The following SNTG1 variants were observed in gnomAD, a reference collection of about 807,000 sequenced individuals.
The protein encoded by SNTG1 is gamma-1-syntrophin.
In SNTG1, 39 loss-of-function variants were observed where a neutral mutation model predicts 74.7. The observed-to-expected ratio is 0.52, with a 90% CI of 0.40 to 0.68. The LOEUF is 0.68. Among genes scored for constraint, SNTG1 ranks in the 30% least tolerant of loss-of-function variants. SNTG1 has a pLI of 0.00. For missense variants in SNTG1, 685 were observed against 609.5 expected, an observed-to-expected ratio of 1.12 and a Z score of -1.30; for synonymous variants, 254 against 217.1, an observed-to-expected ratio of 1.17 and a Z score of -1.49.
At chr8:50,282,240 A>G (rs1384864196) in intron 2 of SNTG1, among the ~76,000 whole-genome samples, 1 of 152,100 alleles carries the variant, frequency 6.6e-6, no homozygotes, top group Non-Finnish European at 1.5e-5. Flanking sequence ...TCTCCCTCAC[A>G]CAGAAAATTT....
intron 15 of SNTG1, among the ~76,000 whole-genome samples, chr8:50,692,578 C>T (rs566385641): frequency 2.0e-5 from 3 of 152,244 alleles, no homozygotes; most frequent in East Asian, 1.9e-4. Flanking sequence ...ATTAGTGAAC[C>T]GCAAATGCTG....
chr8:50,105,767 T>C (rs991296413), intron 1 of SNTG1, among the ~76,000 whole-genome samples: 1 of 152,098 alleles, frequency 6.6e-6, no homozygotes, highest in African/African-American at 2.4e-5. Context: ...GCTGTATTCC[T>C]AGGTATTTTA....
At chr8:49,999,421 A>G (rs529443312) in intron 1 of SNTG1, among the ~76,000 whole-genome samples, 1 of 151,334 alleles carries the variant, frequency 6.6e-6, no homozygotes, top group South Asian at 2.1e-4. Flanking sequence ...GTCATTATTC[A>G]CTCTCCTCCA....
chr8:50,369,988 G>C (rs1371190461), intron 2 of SNTG1, among the ~76,000 whole-genome samples: 2 of 152,014 alleles, frequency 1.3e-5, no homozygotes, highest in Non-Finnish European at 2.9e-5. Context: ...GGTGTGATCT[G>C]GCCATAGAGA....
chr8:50,592,218 T>C (rs77107111), intron 13 of SNTG1, among the ~76,000 whole-genome samples: 554 of 152,318 alleles, frequency 3.6e-3, no homozygotes, highest in African/African-American at 0.013. Flanking sequence ...AAGATTATAA[T>C]GTCCATCAGT....
intron 1 of SNTG1, among the ~76,000 whole-genome samples, chr8:50,144,063 A>C (rs911060455): frequency 6.6e-6 from 1 of 152,186 alleles, no homozygotes; most frequent in East Asian, 1.9e-4. Flanking sequence ...ACTGACACAC[A>C]GATGCAGTCA....
At chr8:50,287,783 T>C (rs1226209628) in intron 2 of SNTG1, among the ~76,000 whole-genome samples, 2 of 152,176 alleles carry the variant, frequency 1.3e-5, no homozygotes, top group Non-Finnish European at 2.9e-5. Context: ...ATAACTCATC[T>C]ATCTCCTCAT....
intron 2 of SNTG1, among the ~76,000 whole-genome samples, chr8:50,371,399 C>A (rs2092265470): frequency 6.6e-6 from 1 of 152,212 alleles, no homozygotes; most frequent in Admixed American, 6.5e-5. Flanking sequence ...CCCATTCCAG[C>A]TACCATGGCT....
chr8:50,464,952 G>GAA (rs71233500), intron 8 of SNTG1, among the ~76,000 whole-genome samples: 84,591 of 143,372 alleles, frequency 0.59, 27,582 homozygotes, highest in East Asian at 0.76. Flanking sequence ...CATGCTGTTG[G>GAA]AAAAAAAAAA....
At chr8:50,013,326 CTT>C (rs1477082591) in intron 1 of SNTG1, among the ~76,000 whole-genome samples, 3 of 151,984 alleles carry the variant, frequency 2.0e-5, no homozygotes, top group African/African-American at 7.2e-5. Flanking sequence ...TCGTCATAGA[CTT>C]TTATTTGCAT....
At chr8:49,961,045 A>G (rs1052011057) in intron 1 of SNTG1, among the ~76,000 whole-genome samples, 4 of 152,204 alleles carry the variant, frequency 2.6e-5, no homozygotes, top group Non-Finnish European at 5.9e-5. Context: ...ATCTTCCAGA[A>G]TCCTAGATGC....
chr8:50,301,708 C>T lies in SNTG1; in HGVS notation c.-27-92504C>T, dbSNP rs558228349. On this transcript the variant is annotated intron_variant, in intron 2 of 18. Transcript: ENST00000642720. ...AGATTCTCACATCCCCTGGGATTGC[C>T]ATTTTTGTTGTTTTTCTGTTCATTT... 7.9e-5 allele frequency among the ~76,000 whole-genome samples: 12 copies of T among 152,084 alleles called. No individual in the cohort carries two copies. In the South Asian group the frequency reaches 2.1e-3, roughly 26 times the overall value.
At chr8:50,024,784 C>T (rs541388969) in intron 1 of SNTG1, among the ~76,000 whole-genome samples, 2 of 152,114 alleles carry the variant, frequency 1.3e-5, no homozygotes, top group Non-Finnish European at 2.9e-5. Context: ...CTCCTACTTG[C>T]GATGATGGAA....
intron 18 of SNTG1, among the ~76,000 whole-genome samples, chr8:50,778,168 T>C (rs1447748143): frequency 6.6e-6 from 1 of 152,226 alleles, no homozygotes; most frequent in African/African-American, 2.4e-5. Flanking sequence ...AACATACGTG[T>C]GCATGTATTT....
intron 18 of SNTG1, among the ~76,000 whole-genome samples, chr8:50,767,150 A>G (rs1032256202): frequency 5.9e-5 from 9 of 151,972 alleles, no homozygotes; most frequent in Non-Finnish European, 5.9e-5. Flanking sequence ...TTTCAACAAA[A>G]CATGCATTAG....
intron 1 of SNTG1, among the ~76,000 whole-genome samples, chr8:49,966,680 C>T (rs2129842619): frequency 6.6e-6 from 1 of 152,170 alleles, no homozygotes; most frequent in East Asian, 1.9e-4. Context: ...CAGGTGTCAG[C>T]CACCACGCCC....
intron 5 of SNTG1, among the ~76,000 whole-genome samples, chr8:50,447,807 A>T: frequency 6.6e-6 from 1 of 152,240 alleles, no homozygotes; most frequent in Non-Finnish European, 1.5e-5. Context: ...ATGGGACAAA[A>T]TAGAACAGAT....
chr8:50,117,858 G>A (rs767021974), intron 1 of SNTG1, among the ~76,000 whole-genome samples: 11 of 152,070 alleles, frequency 7.2e-5, no homozygotes, highest in Admixed American at 3.9e-4. Context: ...CTGAAGTTAG[G>A]TTATGTTTGG....
intron 1 of SNTG1, among the ~76,000 whole-genome samples, chr8:49,956,564 A>AG (rs1810191195): frequency 6.6e-6 from 1 of 152,222 alleles, no homozygotes; most frequent in Non-Finnish European, 1.5e-5. Flanking sequence ...CCACATTTAA[A>AG]AATTGTACTT....
Sources: allele counts gnomAD v4.1 joint callset (sites outside exome capture counted in the v4.1 genomes callset), GRCh38; gene constraint gnomAD v4.1.1; transcripts MANE v1.5; gene names NCBI Gene and HGNC (gene_info 2026-07-23, HGNC 2026-07-21).